The following PARN variants were observed in gnomAD, a reference collection of about 807,000 sequenced individuals.
The protein encoded by PARN is poly(A)-specific ribonuclease.
In PARN, 71 loss-of-function variants were observed where a neutral mutation model predicts 102.8. The ratio of observed to expected loss-of-function variants is 0.69; its 90% CI spans 0.57 to 0.84. The LOEUF (loss-of-function observed/expected upper bound fraction) is 0.84, where lower values mean the gene tolerates loss of function less well. Ranked by LOEUF, PARN falls within the 40% of genes least tolerant of loss-of-function variation. The pLI is 0.00. For missense variants in PARN, 782 were observed against 760.9 expected, an observed-to-expected ratio of 1.03 and a Z score of -0.33; for synonymous variants, 261 against 252.9, an observed-to-expected ratio of 1.03 and a Z score of -0.30.
intron 23 of PARN, among the ~76,000 whole-genome samples, chr16:14,445,793 A>G (rs562171805): frequency 2.2e-4 from 34 of 152,224 alleles, no homozygotes; most frequent in Admixed American, 7.2e-4. Flanking sequence ...TGAACTCCTG[A>G]CCTCAAGTGA....
At chr16:14,563,589 T>A (rs1209508656) in intron 18 of PARN, among the ~76,000 whole-genome samples, 1 of 151,714 alleles carries the variant, frequency 6.6e-6, no homozygotes, top group Non-Finnish European at 1.5e-5. Context: ...ATCTTTTAAA[T>A]TGAGACAGGG....
chr16:14,528,028 A>G (rs1463405180), intron 21 of PARN, among the ~76,000 whole-genome samples: 4 of 152,234 alleles, frequency 2.6e-5, no homozygotes, highest in Non-Finnish European at 2.9e-5. Context: ...TGTGGGTTAC[A>G]AAAAATTGAA....
chr16:14,441,547 C>A (rs1404462538), intron 23 of PARN, among the ~76,000 whole-genome samples: 1 of 152,222 alleles, frequency 6.6e-6, no homozygotes, highest in Non-Finnish European at 1.5e-5. Flanking sequence ...CTAGGAAACG[C>A]TGAAGGGGGT....
intron 8 of PARN, among the ~76,000 whole-genome samples, chr16:14,608,610 T>C (rs1163410068): frequency 2.0e-5 from 3 of 152,270 alleles, no homozygotes; most frequent in Middle Eastern, 3.4e-3. Context: ...GACAGATGCA[T>C]TGAAATACTT....
intron 5 of PARN, among the ~76,000 whole-genome samples, chr16:14,619,007 G>T (rs1025762408): frequency 2.6e-5 from 4 of 151,930 alleles, no homozygotes; most frequent in Non-Finnish European, 4.4e-5. Context: ...ACCAGCTTGG[G>T]CAAAACAGTG....
chr16:14,489,615 CAT>C (rs758829345), intron 21 of PARN, among the ~76,000 whole-genome samples: 4 of 152,148 alleles, frequency 2.6e-5, no homozygotes, highest in East Asian at 3.8e-4. Flanking sequence ...GAGTGGGACA[CAT>C]GTGGTGTAAA....
chr16:14,615,744 T>C (rs1241259509), intron 6 of PARN, among the ~76,000 whole-genome samples: 1 of 151,904 alleles, frequency 6.6e-6, no homozygotes, highest in African/African-American at 2.4e-5. Flanking sequence ...CTACTAAAAA[T>C]ACAAAAATTA....
At position 14,604,193 on chromosome 16, in the gene PARN, C is replaced by G; in HGVS notation, c.736G>C (p.Glu246Gln). 1 of 1,599,724 alleles carries G rather than the reference C, an allele frequency of 6.3e-7. No individual in the cohort carries two copies. The highest frequency in any genetic ancestry group is 8.5e-7 in the Non-Finnish European group (1 of 1,171,190). The change falls in exon 11 of 24, where the codon GAA becomes CAA. Residue 246 changes from glutamate to glutamine, a missense_variant. Physicochemically the swap from Glu to Gln is conservative, Grantham distance 29 (BLOSUM62 2). Transcript: ENST00000437198. ...ERYIVISKVD[E>Q]EERKRREQQK... ...TGCTCTCTTCTTTTGCGTTCTTCTTCATCTACTTTGCTGATAACTATATAT... is the reference window on the plus strand; with the variant it reads ...TGCTCTCTTCTTTTGCGTTCTTCTTGATCTACTTTGCTGATAACTATATAT...
chr16:14,539,830 C>T (rs1243869810), intron 21 of PARN, among the ~76,000 whole-genome samples: 1 of 152,152 alleles, frequency 6.6e-6, no homozygotes, highest in African/African-American at 2.4e-5. Flanking sequence ...ATTTAACCGA[C>T]TCAGATGGAA....
Position 14,589,810 on chromosome 16 carries a change from T to A in PARN, c.919-3449A>T, listed in dbSNP as rs184511296. Among the ~76,000 whole-genome samples the A allele has an allele frequency of 4.0e-5, 6 of 151,504 alleles. No homozygotes were observed. In the East Asian group the frequency reaches 1.2e-3, roughly 30 times the overall value. On this transcript the variant is annotated intron_variant, in intron 13 of 23. Transcript: ENST00000437198. ...TGAACCCAGGAGACAGAGGTTGCAG[T>A]GGGCCAAGACTGCACCACTGCACTC...
At chr16:14,459,309 G>A (rs1344607276) in intron 22 of PARN, among the ~76,000 whole-genome samples, 1 of 152,228 alleles carries the variant, frequency 6.6e-6, no homozygotes, top group Middle Eastern at 3.2e-3. Context: ...ACTGATAAGT[G>A]AGTAAGTAAG....
intron 22 of PARN, among the ~76,000 whole-genome samples, chr16:14,451,152 A>G (rs1961426787): frequency 6.6e-6 from 1 of 152,186 alleles, no homozygotes; most frequent in African/African-American, 2.4e-5. Flanking sequence ...CATGCCCGTC[A>G]TCCCACCAGA....
chr16:14,459,453 C>G (rs1348799043), intron 22 of PARN, among the ~76,000 whole-genome samples: 1 of 152,122 alleles, frequency 6.6e-6, no homozygotes, highest in Admixed American at 6.5e-5. Flanking sequence ...AGGGACAACT[C>G]CAGTATAGCA....
rs192180360 is a variant in PARN at position 14,468,131 on chromosome 16, A to G, written c.1670+14507T>C. ...TCGAAGGGAAGGATCATAAATGGATATCTTAGGAGGGAGCAGGCATTTTGT... is the reference window on the plus strand; with the variant it reads ...TCGAAGGGAAGGATCATAAATGGATGTCTTAGGAGGGAGCAGGCATTTTGT... On this transcript the variant is annotated intron_variant, in intron 22 of 23. Transcript: ENST00000437198. Among the ~76,000 whole-genome samples the G allele has an allele frequency of 2.7e-3, 406 of 152,334 alleles. 1 individual carries two copies. Among genetic ancestry groups the G allele is most frequent in the Admixed American group, 7.4e-3 (113 of 15,292 alleles).
chr16:14,531,056 T>C (rs1028732058), intron 21 of PARN, among the ~76,000 whole-genome samples: 3 of 152,002 alleles, frequency 2.0e-5, no homozygotes, highest in African/African-American at 4.8e-5. Context: ...CAGCTTACAT[T>C]TGTCAAAAGG....
chr16:14,445,919 A>G (rs1229870017), intron 23 of PARN, among the ~76,000 whole-genome samples: 1 of 152,184 alleles, frequency 6.6e-6, no homozygotes, highest in Non-Finnish European at 1.5e-5. Flanking sequence ...GGCAACTCAC[A>G]TAACCCTTTG....
chr16:14,626,615 C>CTT (rs994716095), intron 5 of PARN, among the ~76,000 whole-genome samples: 5 of 144,640 alleles, frequency 3.5e-5, no homozygotes, highest in Non-Finnish European at 3.1e-5. Context: ...TTAATTCATT[C>CTT]TTTTTTTTTT....
Position 14,610,290 on chromosome 16 carries a change from T to C in PARN, c.554+354A>G, listed in dbSNP as rs544739082. On this transcript the variant is annotated intron_variant, in intron 7 of 23. Coordinates refer to ENST00000437198, the MANE Select transcript of PARN (RefSeq NM_002582.4). ...GAGTTCGAGACCAGCGTGGCCAACA[T>C]GGCAAAACCTCGTCTCTACTAAAAA... is the stretch of plus-strand genomic sequence containing the variant. Among the ~76,000 whole-genome samples the C allele has an allele frequency of 3.3e-5, 5 of 151,980 alleles. No individual in the cohort carries two copies. The South Asian group carries it at 1.0e-3, about 32-fold the overall frequency.
intron 21 of PARN, among the ~76,000 whole-genome samples, chr16:14,536,281 C>G (rs1236335682): frequency 6.6e-6 from 1 of 152,156 alleles, no homozygotes; most frequent in Non-Finnish European, 1.5e-5. Flanking sequence ...GAACAGGAAT[C>G]ATGTACGAGA....
Sources: gnomAD v4.1 joint callset for allele counts (sites outside exome capture counted in the v4.1 genomes callset) on GRCh38, gnomAD v4.1.1 for gene constraint, MANE v1.5 for transcripts, NCBI Gene and HGNC (gene_info 2026-07-23, HGNC 2026-07-21) for gene names.